FIG4: variants seen among roughly 807,000 people sequenced by gnomAD.
FIG4 encodes the protein FIG4 phosphoinositide 5-phosphatase, also known as polyphosphoinositide phosphatase.
FIG4 carries 112 observed loss-of-function variants against 118.6 expected under a neutral mutation model. That is an observed-to-expected ratio of 0.94 (90% CI 0.81 to 1.11). The LOEUF is 1.11. Ranked by LOEUF, FIG4 falls within the 50% of genes least tolerant of loss-of-function variation. FIG4 has a pLI of 0.00. For synonymous variants in FIG4, 369 were observed against 381.2 expected, an observed-to-expected ratio of 0.97 and a Z score of 0.37; for missense variants, 969 against 1,111.7, an observed-to-expected ratio of 0.87 and a Z score of 1.83.
Position 109,714,585 on chromosome 6 carries a change from C to T in FIG4, c.67-493C>T, listed in dbSNP as rs1241629354. On this transcript the variant is annotated intron_variant, in intron 1 of 22. Coordinates refer to ENST00000230124, the MANE Select transcript of FIG4 (RefSeq NM_014845.6). Reference sequence around the variant, plus strand: ...ATTTGGGAAGGACAACCATTTTAATCATTTATGGGACTTTTGGGTAGATTT... The same window carrying T: ...ATTTGGGAAGGACAACCATTTTAATTATTTATGGGACTTTTGGGTAGATTT... Among the ~76,000 whole-genome samples the T allele has an allele frequency of 3.3e-5, 5 of 152,168 alleles. No individual in the cohort carries two copies. The South Asian group carries it at 6.2e-4, about 19-fold the overall frequency.
intron 4 of FIG4, 85 bp from the exon 5 acceptor site, chr6:109,732,552 T>C: frequency 3.7e-5 from 28 of 758,282 alleles, no homozygotes; most frequent in Non-Finnish European, 5.8e-5. Context: ...TATTTACAAA[T>C]ATAAATGTAC....
At position 109,792,606 on chromosome 6, in the gene FIG4, C is replaced by CT; in HGVS notation, c.2402dup (p.Tyr802IlefsTer4). The CT allele has an allele frequency of 1.9e-6, 3 of 1,603,384 alleles. No homozygotes were observed. The highest frequency in any genetic ancestry group is 2.6e-6 in the Non-Finnish European group (3 of 1,171,164). ...GAATGTGGTCCAACCCATGAAGGAG[C>CT]TATATGGAATTAACCTCTCAGATGG... On this transcript the variant is annotated frameshift_variant, in exon 21 of 23. Coordinates refer to ENST00000230124, the MANE Select transcript of FIG4 (RefSeq NM_014845.6). LOFTEE classifies it high-confidence loss of function.
chr6:109,754,451 T>C (rs1237852794), intron 10 of FIG4, among the ~76,000 whole-genome samples: 1 of 152,240 alleles, frequency 6.6e-6, no homozygotes. Context: ...GATGCTGGCC[T>C]CATAAAATGA....
intron 3 of FIG4, among the ~76,000 whole-genome samples, chr6:109,725,480 C>T (rs994823082): frequency 6.6e-6 from 1 of 152,176 alleles, no homozygotes; most frequent in African/African-American, 2.4e-5. Flanking sequence ...ATATGTGCCA[C>T]GTTTCCTTTA....
chr6:109,810,229 C>T (rs1329557721), intron 22 of FIG4, among the ~76,000 whole-genome samples: 1 of 152,048 alleles, frequency 6.6e-6, no homozygotes, highest in African/African-American at 2.4e-5. Flanking sequence ...AAGTTGATCA[C>T]AGTGACTTAG....
chr6:109,692,472 C>G (rs1020568748), intron 1 of FIG4, among the ~76,000 whole-genome samples: 1 of 152,134 alleles, frequency 6.6e-6, no homozygotes, highest in Non-Finnish European at 1.5e-5. Flanking sequence ...GCACAATAAC[C>G]TCTCCCTCAG....
chr6:109,773,852 T>C (rs1777538393), intron 15 of FIG4, among the ~76,000 whole-genome samples: 1 of 152,144 alleles, frequency 6.6e-6, no homozygotes, highest in Non-Finnish European at 1.5e-5. Context: ...TTATTTTTTC[T>C]GTAGAGATAG....
chr6:109,717,008 C>T (rs1263731918), intron 3 of FIG4, among the ~76,000 whole-genome samples: 1 of 138,252 alleles, frequency 7.2e-6, no homozygotes, highest in Admixed American at 7.3e-5. Flanking sequence ...TGGATGACTG[C>T]TTTTTTTTTT....
intron 21 of FIG4, 75 bp downstream of exon 21, chr6:109,792,739 T>C: frequency 3.6e-6 from 1 of 281,376 alleles, no homozygotes; most frequent in Non-Finnish European, 5.9e-6. Context: ...ACTATACCTT[T>C]TTTTTTTTTT....
intron 1 of FIG4, among the ~76,000 whole-genome samples, chr6:109,710,879 A>G (rs1775236556): frequency 6.6e-6 from 1 of 150,638 alleles, no homozygotes; most frequent in South Asian, 2.1e-4. Context: ...TTACTAGTCT[A>G]GCCTCCGGTC....
At chr6:109,814,073 C>A (rs1400563431) in intron 22 of FIG4, among the ~76,000 whole-genome samples, 1 of 152,216 alleles carries the variant, frequency 6.6e-6, no homozygotes, top group African/African-American at 2.4e-5. Context: ...ACAGGAATAT[C>A]ACAAAAGTGA....
intron 1 of FIG4, among the ~76,000 whole-genome samples, chr6:109,701,493 T>G (rs1307155803): frequency 6.6e-6 from 1 of 152,198 alleles, no homozygotes; most frequent in Non-Finnish European, 1.5e-5. Context: ...AACAAAGAAA[T>G]GAACACATAA....
At chr6:109,727,088 T>C in intron 3 of FIG4, 21 bp from the exon 4 acceptor site, 3 of 1,574,654 alleles carry the variant, frequency 1.9e-6, no homozygotes, top group Non-Finnish European at 2.6e-6. Flanking sequence ...AGCATATTTC[T>C]CTTTATTTTT....
chr6:109,695,579 TACAC>T (rs57747347), intron 1 of FIG4, among the ~76,000 whole-genome samples: 30 of 148,728 alleles, frequency 2.0e-4, no homozygotes, highest in Admixed American at 4.0e-4. Context: ...ATGCAGTGAA[TACAC>T]ACACACACAC....
intron 21 of FIG4, among the ~76,000 whole-genome samples, chr6:109,795,088 C>T (rs1778239084): frequency 7.6e-6 from 1 of 132,378 alleles, no homozygotes; most frequent in Non-Finnish European, 1.6e-5. Flanking sequence ...GCTTCATACA[C>T]TTGCCAGTTT....
chr6:109,752,352 C>G (rs924367838), intron 10 of FIG4, among the ~76,000 whole-genome samples: 13 of 150,932 alleles, frequency 8.6e-5, no homozygotes, highest in African/African-American at 3.2e-4. Context: ...GGGTATATAC[C>G]CAGTAATGGG....
At chr6:109,783,040 A>G (rs191487292) in intron 16 of FIG4, among the ~76,000 whole-genome samples, 1 of 152,324 alleles carries the variant, frequency 6.6e-6, no homozygotes, top group East Asian at 1.9e-4. Context: ...GCGTGTTCTC[A>G]CTTAAAAGTG....
In FIG4 at chr6:109,762,276, A is replaced by G. The variant is rs1777134847; in HGVS notation, c.1388+69A>G. The G allele has an allele frequency of 4.3e-6, 4 of 920,848 alleles. No homozygotes were observed. In the African/African-American group the frequency reaches 4.9e-5, roughly 11 times the overall value. 57.0% of individuals were successfully genotyped at this position (920,848 alleles called of 1,614,324 possible). ...CTCTTATGGGTATTCTAAATACAGCAGTTTGTACTACTTGGAAATTGGATG... is the reference window on the plus strand; with the variant it reads ...CTCTTATGGGTATTCTAAATACAGCGGTTTGTACTACTTGGAAATTGGATG... On this transcript the variant is annotated intron_variant, in intron 12 of 22. Coordinates refer to ENST00000230124, the MANE Select transcript of FIG4 (RefSeq NM_014845.6).
At chr6:109,742,981 C>A (rs1044243391) in intron 8 of FIG4, 129 bp from the exon 9 acceptor site, 2 of 807,088 alleles carry the variant, frequency 2.5e-6, no homozygotes, top group African/African-American at 1.7e-5. Context: ...CAATATTTAC[C>A]TCTCAAGACT....
Sources: gnomAD v4.1 joint callset for allele counts (sites outside exome capture counted in the v4.1 genomes callset) on GRCh38, gnomAD v4.1.1 for gene constraint, MANE v1.5 for transcripts, NCBI Gene and HGNC (gene_info 2026-07-23, HGNC 2026-07-21) for gene names.